The following TSC22D1 variants were observed in gnomAD, a reference collection of about 807,000 sequenced individuals.
The protein encoded by TSC22D1 is TSC22 domain family member 1.
A neutral mutation model predicts 74.2 loss-of-function variants in TSC22D1; 9 were observed. That is an observed-to-expected ratio of 0.12 (90% CI 0.07 to 0.21). The LOEUF (loss-of-function observed/expected upper bound fraction) is 0.21, where lower values mean the gene tolerates loss of function less well. Ranked by LOEUF, TSC22D1 falls within the 10% of genes least tolerant of loss-of-function variation. The pLI, the probability that TSC22D1 is intolerant of heterozygous loss-of-function variation, is 1.00. For synonymous variants in TSC22D1, 586 were observed against 492.5 expected (o/e 1.19, Z -2.51); for missense variants, 1,427 against 1,304.7 (o/e 1.09, Z -1.44).
At chr13:44,462,485 T>C (rs1402459721) in intron 1 of TSC22D1, among the ~76,000 whole-genome samples, 2 of 152,240 alleles carry the variant, frequency 1.3e-5, no homozygotes, top group Non-Finnish European at 2.9e-5. Context: ...CATTTTATTA[T>C]AGCAAATGTT....
intron 1 of TSC22D1, among the ~76,000 whole-genome samples, chr13:44,514,896 C>T (rs1879906350): frequency 6.6e-6 from 1 of 151,940 alleles, no homozygotes; most frequent in South Asian, 2.1e-4. Context: ...AGTTTAAAGT[C>T]ATTTATTAAA....
intron 1 of TSC22D1, among the ~76,000 whole-genome samples, chr13:44,534,163 C>T (rs142952305): frequency 6.6e-6 from 1 of 150,430 alleles, no homozygotes; most frequent in African/African-American, 2.5e-5. Flanking sequence ...GAGTTCGAGG[C>T]TGCAGTAAGC....
intron 1 of TSC22D1, among the ~76,000 whole-genome samples, chr13:44,445,032 C>G (rs990214285): frequency 3.9e-5 from 6 of 151,966 alleles, no homozygotes; most frequent in African/African-American, 7.2e-5. Flanking sequence ...TCCAGAGAGA[C>G]AGAAAATTTT....
chr13:44,510,739 T>A (rs1879677551), intron 1 of TSC22D1, among the ~76,000 whole-genome samples: 2 of 151,990 alleles, frequency 1.3e-5, no homozygotes, highest in Non-Finnish European at 2.9e-5. Context: ...ACTACAGGAA[T>A]GCACCACCAC....
chr13:44,487,601 A>G (rs1007053872), intron 1 of TSC22D1, among the ~76,000 whole-genome samples: 1 of 151,830 alleles, frequency 6.6e-6, no homozygotes, highest in Non-Finnish European at 1.5e-5. Context: ...ATTAAAACAA[A>G]TCTAGTAGTG....
chr13:44,478,390 G>A (rs574387826), intron 1 of TSC22D1, among the ~76,000 whole-genome samples: 2 of 152,060 alleles, frequency 1.3e-5, no homozygotes, highest in African/African-American at 4.8e-5. Context: ...CCATTTTATA[G>A]GCAGAAAAAC....
At chr13:44,521,994 AG>A (rs772844208) in intron 1 of TSC22D1, among the ~76,000 whole-genome samples, 6 of 152,248 alleles carry the variant, frequency 3.9e-5, no homozygotes, top group Non-Finnish European at 8.8e-5. Flanking sequence ...CCCTGGTCTC[AG>A]GAAGTCAGAC....
At chr13:44,560,221 G>A (rs898544813) in intron 1 of TSC22D1, among the ~76,000 whole-genome samples, 60 of 152,082 alleles carry the variant, frequency 3.9e-4, no homozygotes, top group African/African-American at 1.4e-3. Flanking sequence ...CTTGAGCTCA[G>A]GAGTTTGAGC....
chr13:44,513,215 T>C (rs1160037470), intron 1 of TSC22D1, among the ~76,000 whole-genome samples: 1 of 152,242 alleles, frequency 6.6e-6, no homozygotes, highest in African/African-American at 2.4e-5. Context: ...TTTATCCTAT[T>C]AAGTGAGCTT....
intron 1 of TSC22D1, chr13:44,436,310 T>C: frequency 1.1e-6 from 1 of 925,528 alleles, no homozygotes; most frequent in Non-Finnish European, 1.6e-6. Context: ...AAGGACTAAA[T>C]TACATAATGT....
chr13:44,557,099 C>T (rs967802546), intron 1 of TSC22D1, among the ~76,000 whole-genome samples: 1 of 150,062 alleles, frequency 6.7e-6, no homozygotes, highest in Admixed American at 6.7e-5. Context: ...GCCGAGATCG[C>T]ACCATTGCAC....
chr13:44,470,021 A>G (rs1469911089), intron 1 of TSC22D1, among the ~76,000 whole-genome samples: 1 of 152,210 alleles, frequency 6.6e-6, no homozygotes, highest in African/African-American at 2.4e-5. Context: ...TGACAGGTAG[A>G]TAAACATTTT....
intron 1 of TSC22D1, among the ~76,000 whole-genome samples, chr13:44,441,346 G>C (rs1875184144): frequency 6.6e-6 from 1 of 152,196 alleles, no homozygotes; most frequent in African/African-American, 2.4e-5. Context: ...AGATCTAATG[G>C]AACAATTAGA....
At position 44,524,275 on chromosome 13, in the gene TSC22D1, G is replaced by GA. The variant is rs113068157; in HGVS notation, c.2912+48887dup. ...AGCTGTCACTCCTGTCCACACAACA[G>GA]AAAAAAAAAAAAACTGAACTGGAAA... On this transcript the variant is annotated intron_variant, in intron 1 of 2. Coordinates refer to ENST00000458659, the MANE Select transcript of TSC22D1 (RefSeq NM_183422.4). Among the ~76,000 whole-genome samples, 1,148 of 132,406 alleles carry GA rather than the reference G, an allele frequency of 8.7e-3. 5 individuals carry two copies. The highest frequency in any genetic ancestry group is 0.02 in the Middle Eastern group (5 of 250). 86.9% of individuals were successfully genotyped at this position (132,406 alleles called of 152,430 possible). A position where few individuals can be genotyped will look rare whatever the true frequency, so the allele number is the denominator to read the frequency against.
At chr13:44,576,401 C>A (rs1472824660), upstream of TSC22D1, 2 of 258,634 alleles carry the variant, frequency 7.7e-6, no homozygotes, top group East Asian at 7.0e-5. Context: ...AGGGGGAGAG[C>A]GCAGGAAGGG....
chr13:44,496,341 G>A (rs191881952), intron 1 of TSC22D1, among the ~76,000 whole-genome samples: 119 of 152,180 alleles, frequency 7.8e-4, no homozygotes, highest in African/African-American at 2.7e-3. Context: ...TTTGAGACTA[G>A]CCTGGACAAC....
At chr13:44,488,507 T>C (rs1269363420) in intron 1 of TSC22D1, among the ~76,000 whole-genome samples, 2 of 152,210 alleles carry the variant, frequency 1.3e-5, no homozygotes, top group African/African-American at 4.8e-5. Context: ...AACGTTGCAT[T>C]TCCATTGGAT....
chr13:44,562,391 T>C (rs1379771761), intron 1 of TSC22D1, among the ~76,000 whole-genome samples: 1 of 152,202 alleles, frequency 6.6e-6, no homozygotes, highest in African/African-American at 2.4e-5. Context: ...TATATATCCT[T>C]ATACTTTGAA....
chr13:44,572,776 C>G (rs1883856929), intron 1 of TSC22D1, among the ~76,000 whole-genome samples: 1 of 152,154 alleles, frequency 6.6e-6, no homozygotes, highest in East Asian at 1.9e-4. Flanking sequence ...GGAGAACAAA[C>G]GTGGGAACCA....
Sources: allele counts gnomAD v4.1 joint callset (sites outside exome capture counted in the v4.1 genomes callset), GRCh38; gene constraint gnomAD v4.1.1; transcripts MANE v1.5; gene names NCBI Gene and HGNC (gene_info 2026-07-23, HGNC 2026-07-21).